CTNND2: variants seen among roughly 807,000 people sequenced by gnomAD.
The protein encoded by CTNND2 is catenin delta-2.
A neutral mutation model predicts 144.4 loss-of-function variants in CTNND2; 22 were observed. The ratio of observed to expected loss-of-function variants is 0.15; its 90% CI spans 0.11 to 0.22. The LOEUF is 0.22. Ranked by LOEUF, CTNND2 falls within the 10% of genes least tolerant of loss-of-function variation. The probability of loss-of-function intolerance (pLI) is 1.00; values close to 1 mark genes in which losing one functional copy is unlikely to be tolerated. For synonymous variants in CTNND2, 751 were observed against 695.6 expected (o/e 1.08, Z -1.25); for missense variants, 1,353 against 1,618.8 (o/e 0.84, Z 2.82).
intron 5 of CTNND2, among the ~76,000 whole-genome samples, chr5:11,399,715 T>C (rs1760465448): frequency 6.6e-6 from 1 of 152,236 alleles, no homozygotes; most frequent in Admixed American, 6.5e-5. Context: ...ATTTTCTATC[T>C]CATTACTCTA....
chr5:11,212,486 G>C (rs1223119611), intron 10 of CTNND2, among the ~76,000 whole-genome samples: 1 of 152,192 alleles, frequency 6.6e-6, no homozygotes, highest in East Asian at 1.9e-4. Flanking sequence ...TAGGGTTCAG[G>C]GAAAGGACAG....
chr5:11,383,564 C>T (rs947155744), intron 7 of CTNND2, among the ~76,000 whole-genome samples: 8 of 152,168 alleles, frequency 5.3e-5, no homozygotes, highest in African/African-American at 1.9e-4. Flanking sequence ...GGCACCCTAG[C>T]CTGCATCCTG....
At chr5:11,765,709 G>A (rs1234229816) in intron 1 of CTNND2, among the ~76,000 whole-genome samples, 1 of 152,122 alleles carries the variant, frequency 6.6e-6, no homozygotes. Context: ...AGATGTAGAG[G>A]AGGGGATAAA....
chr5:11,212,691 C>T (rs1288616030), intron 10 of CTNND2, among the ~76,000 whole-genome samples: 1 of 152,154 alleles, frequency 6.6e-6, no homozygotes, highest in Admixed American at 6.5e-5. Flanking sequence ...GTCAACAGGC[C>T]CTGATTCCTG....
chr5:11,332,814 G>A (rs1455681491), intron 9 of CTNND2, among the ~76,000 whole-genome samples: 1 of 152,178 alleles, frequency 6.6e-6, no homozygotes, highest in Non-Finnish European at 1.5e-5. Flanking sequence ...GGAGGGACGT[G>A]GTGGGAGATA....
chr5:11,081,579 C>T (rs1023927386), intron 16 of CTNND2, among the ~76,000 whole-genome samples: 10 of 152,196 alleles, frequency 6.6e-5, no homozygotes, highest in African/African-American at 1.9e-4. Flanking sequence ...ATTACGGATT[C>T]GGCAGCATTT....
intron 2 of CTNND2, among the ~76,000 whole-genome samples, chr5:11,665,778 C>T (rs1783537370): frequency 6.6e-6 from 1 of 152,148 alleles, no homozygotes; most frequent in African/African-American, 2.4e-5. Flanking sequence ...AGTGAAGACC[C>T]TAACCCTTTC....
At chr5:11,360,300 T>C (rs1169500403) in intron 8 of CTNND2, among the ~76,000 whole-genome samples, 2 of 152,126 alleles carry the variant, frequency 1.3e-5, no homozygotes, top group African/African-American at 4.8e-5. Context: ...ATCTAACATA[T>C]CTTATCTTCA....
chr5:11,723,403 T>C (rs1240391086), intron 2 of CTNND2, among the ~76,000 whole-genome samples: 1 of 152,138 alleles, frequency 6.6e-6, no homozygotes, highest in Non-Finnish European at 1.5e-5. Context: ...GGGCCTAGGA[T>C]TCATCAGTCA....
chr5:11,599,327 A>C (rs996702930), intron 2 of CTNND2, among the ~76,000 whole-genome samples: 1 of 152,198 alleles, frequency 6.6e-6, no homozygotes, highest in African/African-American at 2.4e-5. Context: ...ATAAGGGTTA[A>C]AGGAGGAAAG....
At chr5:11,589,010 C>G (rs185866833) in intron 2 of CTNND2, 10 of 985,318 alleles carry the variant, frequency 1.0e-5, no homozygotes, top group Non-Finnish European at 1.2e-5. Flanking sequence ...TGCTTTCACT[C>G]GCAAACAGTT....
intron 13 of CTNND2, among the ~76,000 whole-genome samples, chr5:11,114,643 C>T (rs1753362124): frequency 1.3e-5 from 2 of 152,048 alleles, no homozygotes; most frequent in African/African-American, 4.8e-5. Context: ...ATTTTGATTC[C>T]TTATTTTCTA....
chr5:11,323,272 A>G (rs987534523), intron 9 of CTNND2, among the ~76,000 whole-genome samples: 3 of 150,588 alleles, frequency 2.0e-5, no homozygotes, highest in African/African-American at 7.3e-5. Flanking sequence ...CTGGTCTTGA[A>G]CTCCCAGCCT....
chr5:11,259,211 T>C (rs768321633), intron 9 of CTNND2, among the ~76,000 whole-genome samples: 2 of 152,210 alleles, frequency 1.3e-5, no homozygotes, highest in African/African-American at 2.4e-5. Context: ...ATTTCAGACT[T>C]GCTAACTCCC....
At chr5:11,571,019 CTAT>C (rs747040368) in intron 2 of CTNND2, among the ~76,000 whole-genome samples, 1 of 151,702 alleles carries the variant, frequency 6.6e-6, no homozygotes, top group Non-Finnish European at 1.5e-5. Context: ...TAATTCATTG[CTAT>C]TATTATGCTT....
At chr5:11,017,379 C>T (rs1741724912) in intron 18 of CTNND2, among the ~76,000 whole-genome samples, 1 of 151,860 alleles carries the variant, frequency 6.6e-6, no homozygotes, top group Non-Finnish European at 1.5e-5. Context: ...TCTTGGTGAT[C>T]CACGTTTGTC....
intron 10 of CTNND2, among the ~76,000 whole-genome samples, chr5:11,227,976 A>G (rs2149878842): frequency 6.6e-6 from 1 of 152,252 alleles, no homozygotes; most frequent in South Asian, 2.1e-4. Flanking sequence ...CTGACTCCAC[A>G]AGGCTGGGAT....
chr5:11,220,333 T>A (rs906059616), intron 10 of CTNND2, among the ~76,000 whole-genome samples: 13 of 152,108 alleles, frequency 8.5e-5, no homozygotes, highest in African/African-American at 3.1e-4. Flanking sequence ...AAATATTAGT[T>A]AGGTTAAGCA....
chr5:11,140,257 C>T (rs748093604), intron 12 of CTNND2, among the ~76,000 whole-genome samples: 2 of 152,164 alleles, frequency 1.3e-5, no homozygotes, highest in Non-Finnish European at 2.9e-5. Context: ...TCTCCTGCCT[C>T]CTTCAACCTG....
Sources: gnomAD v4.1 joint callset for allele counts (sites outside exome capture counted in the v4.1 genomes callset) on GRCh38, gnomAD v4.1.1 for gene constraint, MANE v1.5 for transcripts, NCBI Gene and HGNC (gene_info 2026-07-23, HGNC 2026-07-21) for gene names.